POTEH: variants seen among roughly 807,000 people sequenced by gnomAD.
The protein encoded by POTEH is ANKRD26-like family C member 3.
In POTEH, 6 loss-of-function variants were observed where a neutral mutation model predicts 41.7. The ratio of observed to expected loss-of-function variants is 0.14; its 90% confidence interval spans 0.08 to 0.28. POTEH has a LOEUF of 0.28. Ranked by LOEUF, POTEH falls within the 10% of genes least tolerant of loss-of-function variation. The pLI is 1.00. For missense variants in POTEH, 115 were observed against 533.5 expected, an observed-to-expected ratio of 0.22 and a Z score of 7.73; for synonymous variants, 38 against 179.9, an observed-to-expected ratio of 0.21 and a Z score of 6.31.
chr22:15,703,439 TTCC>T (rs1192319899), intron 6 of POTEH: 3 of 107,568 alleles, frequency 2.8e-5, no homozygotes, highest in Non-Finnish European at 5.5e-5. Flanking sequence ...ACTGACTTCA[TTCC>T]TCCTCATTTG....
intron 1 of POTEH, among the ~76,000 whole-genome samples, chr22:15,694,364 GT>G (rs1385281211): frequency 1.2e-5 from 1 of 85,016 alleles, no homozygotes; most frequent in Non-Finnish European, 2.6e-5. Flanking sequence ...TCCACAAATA[GT>G]TTCATAAATC....
chr22:15,691,457 C>T lies in POTEH; in HGVS notation c.632+748C>T, dbSNP rs550221889. Reference sequence around the variant, plus strand: ...AGGAGAATGGCGTGAACCTGGGAGGCGGAGCTTGCAGTGAGCCGAGATCAC... The same window carrying T: ...AGGAGAATGGCGTGAACCTGGGAGGTGGAGCTTGCAGTGAGCCGAGATCAC... On this transcript the variant is annotated intron_variant, in intron 1 of 10. Coordinates refer to ENST00000343518, the MANE Select transcript of POTEH (RefSeq NM_001136213.1). Among the ~76,000 whole-genome samples the T allele has an allele frequency of 3.7e-4, 43 of 115,384 alleles. 3 individuals carry two copies. The South Asian group carries it at 9.1e-3, about 24-fold the overall frequency. 75.7% of individuals were successfully genotyped at this position (115,384 alleles called of 152,430 possible).
At chr22:15,703,739 A>G (rs1345214785) in intron 6 of POTEH, among the ~76,000 whole-genome samples, 1 of 150,810 alleles carries the variant, frequency 6.6e-6, no homozygotes, top group Non-Finnish European at 1.5e-5. Flanking sequence ...TTAGCCATCT[A>G]TTTATCAAAG....
At chr22:15,713,673 T>C (rs1193818296) in intron 9 of POTEH, among the ~76,000 whole-genome samples, 1 of 152,296 alleles carries the variant, frequency 6.6e-6, no homozygotes, top group Non-Finnish European at 1.5e-5. Context: ...CTAATTTTTG[T>C]ATTTTTAGTA....
chr22:15,713,846 A>G (rs1989871383), intron 9 of POTEH, among the ~76,000 whole-genome samples: 1 of 152,292 alleles, frequency 6.6e-6, no homozygotes, highest in Non-Finnish European at 1.5e-5. Flanking sequence ...TTCCAAATGC[A>G]TGTCTCCAAC....
intron 6 of POTEH, among the ~76,000 whole-genome samples, chr22:15,705,394 T>C (rs1989646333): frequency 6.7e-6 from 1 of 150,040 alleles, no homozygotes; most frequent in Non-Finnish European, 1.5e-5. Flanking sequence ...GCTTTTTTCA[T>C]TTGTTTAGCT....
intron 1 of POTEH, among the ~76,000 whole-genome samples, chr22:15,693,357 A>G (rs1601494541): frequency 6.6e-6 from 1 of 151,278 alleles, no homozygotes; most frequent in East Asian, 2.0e-4. Context: ...AATTTCTCAC[A>G]TTCTATTATT....
At chr22:15,712,873 A>G (rs1227637147) in intron 9 of POTEH, among the ~76,000 whole-genome samples, 3 of 148,308 alleles carry the variant, frequency 2.0e-5, no homozygotes, top group African/African-American at 7.5e-5. Flanking sequence ...GTCTTTATGT[A>G]TAAGCATGAA....
chr22:15,713,259 A>T (rs1207260009), intron 9 of POTEH, among the ~76,000 whole-genome samples: 4 of 152,228 alleles, frequency 2.6e-5, no homozygotes, highest in Non-Finnish European at 4.4e-5. Context: ...TTTTTCTGTA[A>T]ATAAATCTAT....
At position 15,691,026 on chromosome 22, in the gene POTEH, A is replaced by G. The variant is rs1211439247; in HGVS notation, c.632+317A>G. 2.0e-4 allele frequency among the ~76,000 whole-genome samples: 28 copies of G among 142,598 alleles called. 1 individual carries two copies. The highest frequency in any genetic ancestry group is 3.3e-4 in the African/African-American group (13 of 39,592). 93.5% of individuals were successfully genotyped at this position (142,598 alleles called of 152,430 possible). On this transcript the variant is annotated intron_variant, in intron 1 of 10. Transcript: ENST00000343518. ...CAGATTTTAAAACAATGTTCTATAC[A>G]TTAAAAAAGTGTATATTGAGAACTA...
At chr22:15,691,903 G>A (rs1322455784) in intron 1 of POTEH, among the ~76,000 whole-genome samples, 1 of 147,668 alleles carries the variant, frequency 6.8e-6, no homozygotes, top group Non-Finnish European at 1.5e-5. Context: ...ACAAAAATCA[G>A]AGTATAGATT....
chr22:15,709,149 AC>A (rs1277114169), intron 7 of POTEH, among the ~76,000 whole-genome samples: 1 of 142,860 alleles, frequency 7.0e-6, no homozygotes, highest in African/African-American at 2.7e-5. Context: ...ATTTTTATCT[AC>A]TGTCATTAGT....
rs1228969625 is a variant in POTEH, at chr22:15,712,847, C to T, written c.1520+1813C>T. Among the ~76,000 whole-genome samples the T allele has an allele frequency of 7.5e-5, 11 of 146,392 alleles. 1 individual carries two copies. The Admixed American group carries it at 7.5e-4, about 10-fold the overall frequency. On this transcript the variant is annotated intron_variant, in intron 9 of 10. Transcript: ENST00000343518. ...CAAGCAAGAAATATTCTCGTTGAGA[C>T]CTTTAGTATTTCTTGGTCTTTATGT...
chr22:15,708,615 T>G (rs1254111364), intron 7 of POTEH, among the ~76,000 whole-genome samples: 1 of 146,968 alleles, frequency 6.8e-6, no homozygotes, highest in East Asian at 2.0e-4. Context: ...AGATTCTAAT[T>G]TAATATTTGA....
Position 15,690,058 on chromosome 22 carries a change from T to A in POTEH, c.-20T>A, listed in dbSNP as rs531413071. 1.2e-5 allele frequency: 16 copies of A among 1,390,988 alleles called. 4 individuals carry two copies. Among genetic ancestry groups the A allele is most frequent in the Non-Finnish European group, 1.5e-5 (15 of 1,005,320 alleles). The allele number at this position is 1,390,988 out of a possible 1,614,324, so 86.2% of individuals were successfully genotyped here. A position where few individuals can be genotyped will look rare whatever the true frequency, so the allele number is the denominator to read the frequency against. ...GCGATCTGCTGGCTACTACCGGCCT[T>A]CCCTGGCTGTTAAAAGCAGATGGTG... On this transcript the variant is annotated 5_prime_UTR_variant, in exon 1 of 11. Coordinates refer to ENST00000343518, the MANE Select transcript of POTEH (RefSeq NM_001136213.1).
chr22:15,708,149 G>A, intron 7 of POTEH, 59 bp downstream of exon 7: 3 of 371,366 alleles, frequency 8.1e-6, no homozygotes, highest in Non-Finnish European at 1.1e-5. Flanking sequence ...TTTTTTTTTT[G>A]CTTTAATAAT....
intron 3 of POTEH, among the ~76,000 whole-genome samples, chr22:15,696,862 T>A (rs1262955460): frequency 2.1e-5 from 3 of 145,350 alleles, no homozygotes; most frequent in Non-Finnish European, 4.5e-5. Context: ...GAATTGGTTA[T>A]CTGGGTGGTG....
At chr22:15,721,178 TG>T in intron 10 of POTEH, 107 bp from the exon 11 acceptor site, 2 of 989,822 alleles carry the variant, frequency 2.0e-6, no homozygotes, top group Non-Finnish European at 3.0e-6. Context: ...ATATCCACTA[TG>T]GGGATTCTTT....
At chr22:15,710,442 A>C (rs10154611) in intron 8 of POTEH, among the ~76,000 whole-genome samples, 2 of 150,632 alleles carry the variant, frequency 1.3e-5, no homozygotes, top group Non-Finnish European at 2.9e-5. Context: ...TCATCCTCTA[A>C]AATGACTGTT....
Sources: allele counts gnomAD v4.1 joint callset (sites outside exome capture counted in the v4.1 genomes callset), GRCh38; gene constraint gnomAD v4.1.1; transcripts MANE v1.5; gene names NCBI Gene and HGNC (gene_info 2026-07-23, HGNC 2026-07-21).